Variants in SLIT3 observed in about 807,000 individuals in gnomAD.
SLIT3 encodes slit homolog 3 protein.
A neutral mutation model predicts 184.0 loss-of-function variants in SLIT3; 68 were observed. The observed-to-expected ratio is 0.37, with a 90% CI of 0.30 to 0.45. The LOEUF (loss-of-function observed/expected upper bound fraction) is 0.45, where lower values mean the gene tolerates loss of function less well. Ranked by LOEUF, SLIT3 falls within the 20% of genes least tolerant of loss-of-function variation. SLIT3 has a pLI of 1.00. For synonymous variants in SLIT3, 831 were observed against 828.6 expected, an observed-to-expected ratio of 1.00 and a Z score of -0.05; for missense variants, 1,707 against 2,026.0, an observed-to-expected ratio of 0.84 and a Z score of 3.02.
chr5:169,005,605 A>G (rs971720630), intron 4 of SLIT3, among the ~76,000 whole-genome samples: 1 of 152,230 alleles, frequency 6.6e-6, no homozygotes, highest in Non-Finnish European at 1.5e-5. Flanking sequence ...GACACTCATG[A>G]TATTACCAGT....
At chr5:168,689,509 C>G (rs1290519369) in intron 29 of SLIT3, among the ~76,000 whole-genome samples, 3 of 152,214 alleles carry the variant, frequency 2.0e-5, no homozygotes, top group African/African-American at 7.2e-5. Context: ...GCTTATGCCA[C>G]CTCAGTGAGC....
intron 4 of SLIT3, among the ~76,000 whole-genome samples, chr5:169,108,171 CAGAGT>C (rs1760288289): frequency 6.6e-6 from 1 of 152,180 alleles, no homozygotes; most frequent in Admixed American, 6.5e-5. Context: ...AATGAACATG[CAGAGT>C]AAACAAAAAG....
rs567753443 is a variant in SLIT3 at position 169,114,547 on chromosome 5, C to G, written c.413+78932G>C. On this transcript the variant is annotated intron_variant, in intron 4 of 35. Transcript: ENST00000519560. ...ACTCAGTCTAAACTCAAGATTGCTGCAGTGGGAGTCCATGAAGCTGAGCAG... is the reference window on the plus strand; with the variant it reads ...ACTCAGTCTAAACTCAAGATTGCTGGAGTGGGAGTCCATGAAGCTGAGCAG... Among the ~76,000 whole-genome samples the G allele has an allele frequency of 2.0e-5, 3 of 152,300 alleles. No homozygotes were observed. The East Asian group carries it at 5.8e-4, about 29-fold the overall frequency.
intron 1 of SLIT3, among the ~76,000 whole-genome samples, chr5:169,274,192 G>A (rs1027931385): frequency 6.6e-6 from 1 of 152,150 alleles, no homozygotes; most frequent in East Asian, 1.9e-4. Context: ...AGCCCTCCAG[G>A]TGATTCTGGT....
intron 4 of SLIT3, among the ~76,000 whole-genome samples, chr5:169,071,288 G>T (rs760061666): frequency 6.6e-6 from 1 of 152,208 alleles, no homozygotes; most frequent in African/African-American, 2.4e-5. Context: ...CAGGGACTAT[G>T]CTTGTTTTTC....
intron 4 of SLIT3, among the ~76,000 whole-genome samples, chr5:169,169,533 G>C (rs1330776654): frequency 6.6e-6 from 1 of 152,206 alleles, no homozygotes. Context: ...TGAGGCCAGG[G>C]GCCCTTGAGA....
chr5:168,806,793 CTGTT>C (rs1756980003), intron 8 of SLIT3, among the ~76,000 whole-genome samples: 4 of 152,308 alleles, frequency 2.6e-5, no homozygotes, highest in Admixed American at 6.5e-5. Flanking sequence ...CTTGACCTCA[CTGTT>C]TGAGTTGCTC....
intron 4 of SLIT3, among the ~76,000 whole-genome samples, chr5:168,933,460 T>C (rs781487116): frequency 1.4e-4 from 22 of 152,134 alleles, no homozygotes; most frequent in Non-Finnish European, 1.5e-5. Context: ...GGGAATTGCT[T>C]GAACCCGGGA....
intron 4 of SLIT3, among the ~76,000 whole-genome samples, chr5:169,144,362 C>CTT (rs1309255586): frequency 2.0e-5 from 3 of 152,206 alleles, no homozygotes; most frequent in Non-Finnish European, 4.4e-5. Flanking sequence ...ATGGCCCCTG[C>CTT]TTTACGTTCC....
At chr5:169,038,083 C>A (rs546036663) in intron 4 of SLIT3, 1 of 152,290 alleles carries the variant, frequency 6.6e-6, no homozygotes, top group African/African-American at 2.4e-5. Context: ...TGTGCCAATA[C>A]TTTTGTATAA....
At chr5:169,195,250 C>A (rs372754821) in intron 3 of SLIT3, among the ~76,000 whole-genome samples, 2 of 152,174 alleles carry the variant, frequency 1.3e-5, no homozygotes, top group East Asian at 3.9e-4. Context: ...CCATTTCCCC[C>A]CTTTCTTCCT....
At chr5:168,851,784 C>T (rs62378547) in intron 5 of SLIT3, among the ~76,000 whole-genome samples, 1,980 of 152,312 alleles carry the variant, frequency 0.013, 21 homozygotes, top group South Asian at 0.022. Context: ...ATGGGGCTGA[C>T]TCAGTTGAAA....
chr5:168,745,069 A>G (rs1763757827), intron 20 of SLIT3, among the ~76,000 whole-genome samples: 1 of 152,238 alleles, frequency 6.6e-6, no homozygotes, highest in Admixed American at 6.5e-5. Context: ...GGAGGTCAAA[A>G]TAGCAACATT....
intron 5 of SLIT3, among the ~76,000 whole-genome samples, chr5:168,858,918 A>C (rs1214418535): frequency 6.6e-6 from 1 of 152,144 alleles, no homozygotes; most frequent in Non-Finnish European, 1.5e-5. Flanking sequence ...TCTACATGTG[A>C]AATGCAAAAG....
chr5:168,970,304 T>C (rs1754526763), intron 4 of SLIT3, among the ~76,000 whole-genome samples: 1 of 152,214 alleles, frequency 6.6e-6, no homozygotes, highest in East Asian at 1.9e-4. Flanking sequence ...AAGACCAGCC[T>C]GGCCAACATG....
chr5:169,165,168 C>T (rs1762597627), intron 4 of SLIT3, among the ~76,000 whole-genome samples: 1 of 152,220 alleles, frequency 6.6e-6, no homozygotes, highest in African/African-American at 2.4e-5. Context: ...TGCCTTGCTA[C>T]CCAACAGGGA....
intron 15 of SLIT3, 116 bp downstream of exon 15, chr5:168,762,423 C>T: frequency 9.0e-7 from 1 of 1,115,066 alleles, no homozygotes; most frequent in Middle Eastern, 2.2e-4. Flanking sequence ...AGACAGCCAA[C>T]AAACACCACA....
intron 4 of SLIT3, among the ~76,000 whole-genome samples, chr5:168,959,105 C>A (rs1338181007): frequency 6.6e-6 from 1 of 152,234 alleles, no homozygotes; most frequent in African/African-American, 2.4e-5. Flanking sequence ...AATGTGGTTG[C>A]TTTTCAGCCT....
intron 4 of SLIT3, among the ~76,000 whole-genome samples, chr5:168,908,880 G>A (rs1332452857): frequency 6.6e-6 from 1 of 152,212 alleles, no homozygotes; most frequent in Non-Finnish European, 1.5e-5. Flanking sequence ...AATGGCAGAT[G>A]TTTCTCACAG....
Sources: allele counts gnomAD v4.1 joint callset (sites outside exome capture counted in the v4.1 genomes callset), GRCh38; gene constraint gnomAD v4.1.1; transcripts MANE v1.5; gene names NCBI Gene and HGNC (gene_info 2026-07-23, HGNC 2026-07-21).